The following FHIT variants were observed in gnomAD, a reference collection of about 807,000 sequenced individuals.
FHIT encodes the protein bis(5'-adenosyl)-triphosphatase.
Under a neutral mutation model 17.9 loss-of-function variants are expected in FHIT, and 19 were observed. The ratio of observed to expected loss-of-function variants is 1.06; its 90% CI spans 0.74 to 1.56. FHIT has a LOEUF of 1.56. Ranked by LOEUF, FHIT falls within the 40% of genes most tolerant of loss-of-function variation. The pLI, the probability that FHIT is intolerant of heterozygous loss-of-function variation, is 0.00. For synonymous variants in FHIT, 81 were observed against 69.7 expected, an observed-to-expected ratio of 1.16 and a Z score of -0.81; for missense variants, 248 against 189.2, an observed-to-expected ratio of 1.31 and a Z score of -1.82.
intron 5 of FHIT, among the ~76,000 whole-genome samples, chr3:60,170,079 T>C (rs1480070458): frequency 6.6e-6 from 1 of 152,166 alleles, no homozygotes; most frequent in Non-Finnish European, 1.5e-5. Flanking sequence ...GCCTTCTGGG[T>C]ACAGGCATAT....
intron 5 of FHIT, among the ~76,000 whole-genome samples, chr3:60,385,642 C>T (rs1383938372): frequency 6.6e-6 from 1 of 152,158 alleles, no homozygotes; most frequent in Non-Finnish European, 1.5e-5. Flanking sequence ...TGCAGTTGCA[C>T]GATCATGGCC....
intron 8 of FHIT, among the ~76,000 whole-genome samples, chr3:59,779,115 A>C (rs775297573): frequency 1.3e-5 from 2 of 152,190 alleles, no homozygotes; most frequent in Non-Finnish European, 2.9e-5. Context: ...TCAGCCAGGG[A>C]AGAAAATCAC....
intron 8 of FHIT, among the ~76,000 whole-genome samples, chr3:59,844,724 G>A (rs989411567): frequency 6.6e-6 from 1 of 152,128 alleles, no homozygotes; most frequent in African/African-American, 2.4e-5. Flanking sequence ...TGGTTTGCTA[G>A]TATTTCGTTG....
intron 4 of FHIT, among the ~76,000 whole-genome samples, chr3:60,738,272 AG>A (rs1559683415): frequency 6.6e-6 from 1 of 152,342 alleles, no homozygotes; most frequent in Admixed American, 6.5e-5. Context: ...TATGGCTTAT[AG>A]GGCCCTGTGA....
chr3:60,472,752 C>T (rs1344071168), intron 5 of FHIT, among the ~76,000 whole-genome samples: 2 of 152,082 alleles, frequency 1.3e-5, no homozygotes, highest in African/African-American at 4.8e-5. Context: ...TGTTTTTAAT[C>T]CTTAAAGAAC....
At chr3:60,107,551 G>A (rs2107165740) in intron 5 of FHIT, among the ~76,000 whole-genome samples, 1 of 152,310 alleles carries the variant, frequency 6.6e-6, no homozygotes, top group Admixed American at 6.5e-5. Flanking sequence ...AAGTCAGTAT[G>A]TGACTGGTTA....
intron 5 of FHIT, among the ~76,000 whole-genome samples, chr3:60,252,883 A>T (rs922080824): frequency 2.0e-5 from 3 of 152,046 alleles, no homozygotes; most frequent in African/African-American, 7.2e-5. Context: ...CTGTAGTTCC[A>T]GCTACTCGGG....
intron 4 of FHIT, among the ~76,000 whole-genome samples, chr3:60,564,038 T>A (rs757756544): frequency 3.3e-5 from 5 of 152,156 alleles, no homozygotes; most frequent in Non-Finnish European, 5.9e-5. Flanking sequence ...CTTCAAAGCT[T>A]CAATGAACAA....
At chr3:59,825,949 T>C (rs1331357658) in intron 8 of FHIT, among the ~76,000 whole-genome samples, 1 of 152,188 alleles carries the variant, frequency 6.6e-6, no homozygotes, top group Non-Finnish European at 1.5e-5. Flanking sequence ...TTTATAGTAA[T>C]GTCCCTAAGG....
At chr3:60,802,713 G>A (rs1363708110) in intron 4 of FHIT, among the ~76,000 whole-genome samples, 2 of 151,880 alleles carry the variant, frequency 1.3e-5, no homozygotes, top group Non-Finnish European at 1.5e-5. Context: ...TCATTTATTA[G>A]TAAACCTAAT....
intron 4 of FHIT, among the ~76,000 whole-genome samples, chr3:60,772,207 C>T (rs9879770): frequency 0.17 from 25,456 of 151,502 alleles, 3,275 homozygotes; most frequent in African/African-American, 0.37. Context: ...CCATGATGTG[C>T]ACACAGGACT....
At chr3:61,194,540 A>C (rs551404660) in intron 2 of FHIT, among the ~76,000 whole-genome samples, 124 of 152,218 alleles carry the variant, frequency 8.1e-4, no homozygotes, top group Admixed American at 1.3e-3. Flanking sequence ...AATATTTTCA[A>C]AACATTCCAA....
intron 4 of FHIT, among the ~76,000 whole-genome samples, chr3:60,703,972 G>A (rs1203845939): frequency 6.6e-6 from 1 of 151,724 alleles, no homozygotes. Context: ...AGATTTGAAA[G>A]TGAATGGCTA....
chr3:60,136,090 C>T (rs1699804287), intron 5 of FHIT, among the ~76,000 whole-genome samples: 1 of 152,138 alleles, frequency 6.6e-6, no homozygotes, highest in Admixed American at 6.6e-5. Flanking sequence ...TTGCTCATGA[C>T]TAAATCACCT....
intron 5 of FHIT, among the ~76,000 whole-genome samples, chr3:60,052,077 T>C (rs1347944066): frequency 6.6e-6 from 1 of 152,176 alleles, no homozygotes; most frequent in Non-Finnish European, 1.5e-5. Context: ...ATATTCACTC[T>C]TGACTACCCC....
Position 60,154,640 on chromosome 3 carries a change from G to A in FHIT, c.104-140488C>T, listed in dbSNP as rs184990510. Among the ~76,000 whole-genome samples, 150 of 152,146 alleles carry A rather than the reference G, an allele frequency of 9.9e-4. 2 individuals carry two copies. Among genetic ancestry groups the A allele is most frequent in the Non-Finnish European group, 9.7e-4 (66 of 68,010 alleles). On this transcript the variant is annotated intron_variant, in intron 5 of 9. Coordinates refer to ENST00000492590, the MANE Select transcript of FHIT (RefSeq NM_002012.4). ...CCTCATTAATGCAAATATGCTCTTC[G>A]TGGTGCTAAACCTTCATTAGTGAAA...
intron 8 of FHIT, among the ~76,000 whole-genome samples, chr3:59,814,080 C>T (rs529536429): frequency 4.8e-5 from 6 of 124,656 alleles, no homozygotes; most frequent in Admixed American, 7.6e-5. Flanking sequence ...ACACACCCGA[C>T]GGTGAATTAT....
intron 3 of FHIT, among the ~76,000 whole-genome samples, chr3:60,824,566 C>T (rs537568534): frequency 6.6e-6 from 1 of 152,200 alleles, no homozygotes; most frequent in Non-Finnish European, 1.5e-5. Flanking sequence ...GGACCATGGA[C>T]ATAAGAAAAG....
At position 60,200,671 on chromosome 3, in the gene FHIT, GA is replaced by G. The variant is rs5849342; in HGVS notation, c.104-186520del. On this transcript the variant is annotated intron_variant, in intron 5 of 9. Coordinates refer to ENST00000492590, the MANE Select transcript of FHIT (RefSeq NM_002012.4). ...CAGAATCCCTTTGTTGCTTTTGGGG[GA>G]AAAAAAAAAAAGGCTGTCATTGAAC... Among the ~76,000 whole-genome samples, 608 of 146,048 alleles carry G rather than the reference GA, an allele frequency of 4.2e-3. 2 individuals are homozygous for G. The highest frequency in any genetic ancestry group is 0.012 in the African/African-American group (465 of 39,600).
Sources: allele counts gnomAD v4.1 joint callset (sites outside exome capture counted in the v4.1 genomes callset), GRCh38; gene constraint gnomAD v4.1.1; transcripts MANE v1.5; gene names NCBI Gene and HGNC (gene_info 2026-07-23, HGNC 2026-07-21).